The following HOMER2 variants were observed in gnomAD, a reference collection of about 807,000 sequenced individuals.
The protein encoded by HOMER2 is homer protein homolog 2.
Under a neutral mutation model 47.0 loss-of-function variants are expected in HOMER2, and 27 were observed. The ratio of observed to expected loss-of-function variants is 0.57; its 90% CI spans 0.42 to 0.79. The LOEUF (loss-of-function observed/expected upper bound fraction) is 0.79, where lower values mean the gene tolerates loss of function less well. Among genes scored for constraint, HOMER2 ranks in the 30% least tolerant of loss-of-function variants. The pLI is 0.00. For missense variants in HOMER2, 443 were observed against 435.0 expected, an observed-to-expected ratio of 1.02 and a Z score of -0.16; for synonymous variants, 161 against 163.8, an observed-to-expected ratio of 0.98 and a Z score of 0.13.
intron 1 of HOMER2, among the ~76,000 whole-genome samples, chr15:82,976,584 G>C (rs576949260): frequency 6.7e-6 from 1 of 149,276 alleles, no homozygotes; most frequent in Non-Finnish European, 1.5e-5. Flanking sequence ...CAGGCATGAG[G>C]CCACACTATT....
intron 3 of HOMER2, among the ~76,000 whole-genome samples, chr15:82,868,047 AT>A (rs1426526841): frequency 6.6e-6 from 1 of 151,994 alleles, no homozygotes; most frequent in Non-Finnish European, 1.5e-5. Flanking sequence ...TCTTAAAAAA[AT>A]ATATATATAT....
chr15:82,847,661 G>C (rs2051271516), downstream of HOMER2, among the ~76,000 whole-genome samples: 1 of 151,308 alleles, frequency 6.6e-6, no homozygotes, highest in Admixed American at 6.5e-5. Context: ...GCATTCTCTT[G>C]TCAGTCAAGC....
downstream of HOMER2, chr15:82,844,931 A>G (rs1300895551): frequency 6.6e-6 from 1 of 152,174 alleles, no homozygotes; most frequent in Non-Finnish European, 1.5e-5. Flanking sequence ...ACTCGCCAAA[A>G]CATGCACCAC....
At chr15:82,893,070 T>C (rs746712379) in intron 1 of HOMER2, among the ~76,000 whole-genome samples, 13 of 152,116 alleles carry the variant, frequency 8.5e-5, no homozygotes, top group Admixed American at 2.0e-4. Flanking sequence ...TGCAGGGCAA[T>C]TGGTGTAATG....
At chr15:82,939,512 C>CA (rs887890519) in intron 1 of HOMER2, among the ~76,000 whole-genome samples, 6 of 151,930 alleles carry the variant, frequency 3.9e-5, no homozygotes, top group Admixed American at 1.3e-4. Flanking sequence ...ACTAAAAATA[C>CA]AAAAAAAATT....
intron 1 of HOMER2, among the ~76,000 whole-genome samples, chr15:82,971,812 A>G (rs2029998133): frequency 6.6e-6 from 1 of 152,188 alleles, no homozygotes; most frequent in Admixed American, 6.5e-5. Flanking sequence ...GCCACAGCCA[A>G]TAGTAATATT....
At chr15:82,951,227 C>T (rs1887163533) in intron 1 of HOMER2, among the ~76,000 whole-genome samples, 1 of 152,174 alleles carries the variant, frequency 6.6e-6, no homozygotes, top group African/African-American at 2.4e-5. Flanking sequence ...TTCTTCAGCC[C>T]TCGCTGCTCA....
intron 3 of HOMER2, among the ~76,000 whole-genome samples, chr15:82,872,005 G>A (rs1382827749): frequency 6.6e-6 from 1 of 152,116 alleles, no homozygotes; most frequent in Admixed American, 6.5e-5. Flanking sequence ...CCCTGGGAGG[G>A]AACAGGAGCA....
chr15:82,889,507 G>T (rs932071664), intron 2 of HOMER2, among the ~76,000 whole-genome samples: 6 of 152,240 alleles, frequency 3.9e-5, no homozygotes, highest in African/African-American at 1.4e-4. Context: ...GAGCCCATAA[G>T]GAGAAGGCAC....
rs756705638 is a variant in HOMER2 at position 82,969,030 on chromosome 15, G to GT, written n.83-9723dup. Among the ~76,000 whole-genome samples the GT allele has an allele frequency of 3.9e-5, 6 of 152,198 alleles. No homozygotes were observed. In the East Asian group the frequency reaches 5.8e-4, roughly 15 times the overall value. Reference sequence around the variant, plus strand: ...GATCACATCACTTATGTCCTCTCATGTTTTTTCTGATTAGAAAAGGGATTC... The same window carrying GT: ...GATCACATCACTTATGTCCTCTCATGTTTTTTTCTGATTAGAAAAGGGATTC... On this transcript the variant is annotated intron_variant and non_coding_transcript_variant, in intron 1 of 1. Transcript: ENST00000500334.
At chr15:82,879,794 T>C (rs1567030905) in intron 2 of HOMER2, among the ~76,000 whole-genome samples, 2 of 152,332 alleles carry the variant, frequency 1.3e-5, no homozygotes, top group South Asian at 4.1e-4. Flanking sequence ...CACAAAAGAT[T>C]TCTCTGTAGC....
At chr15:82,910,785 T>C (rs1268343809) in intron 1 of HOMER2, among the ~76,000 whole-genome samples, 1 of 152,126 alleles carries the variant, frequency 6.6e-6, no homozygotes, top group Admixed American at 6.5e-5. Flanking sequence ...GGTCACCAGG[T>C]GATTTTTGTT....
chr15:82,877,149 A>G (rs745782967), intron 2 of HOMER2, among the ~76,000 whole-genome samples: 2 of 152,084 alleles, frequency 1.3e-5, no homozygotes, highest in Non-Finnish European at 2.9e-5. Flanking sequence ...AGTAACTGAG[A>G]TTTGGGAAAG....
chr15:82,835,110 A>AATC (rs544865703), downstream of HOMER2: 21 of 147,810 alleles, frequency 1.4e-4, no homozygotes, highest in African/African-American at 4.6e-4. Context: ...ATAGAACAGA[A>AATC]ATCTTCCTAC....
chr15:82,957,627 T>C (rs79424822), upstream of HOMER2, among the ~76,000 whole-genome samples: 1,069 of 152,282 alleles, frequency 7.0e-3, 8 homozygotes, highest in Non-Finnish European at 0.012. Context: ...GAGAAGACTA[T>C]GGGCTGTCTC....
downstream of HOMER2, chr15:82,844,715 A>G (rs1475456323): frequency 1.3e-5 from 2 of 152,176 alleles, no homozygotes; most frequent in East Asian, 3.8e-4. Flanking sequence ...GAAACAAAAA[A>G]CAGTACTCTT....
At chr15:82,950,872 C>A (rs1324531781) in intron 1 of HOMER2, among the ~76,000 whole-genome samples, 1 of 152,174 alleles carries the variant, frequency 6.6e-6, no homozygotes, top group Non-Finnish European at 1.5e-5. Flanking sequence ...ACTATTTGAT[C>A]TCAACCACAG....
chr15:82,899,519 T>G (rs1196623894), intron 1 of HOMER2, among the ~76,000 whole-genome samples: 1 of 152,266 alleles, frequency 6.6e-6, no homozygotes, highest in Admixed American at 6.5e-5. Context: ...GCAAAGAATC[T>G]AACTTACAAG....
chr15:82,873,559 G>A (rs1318873716), intron 3 of HOMER2, among the ~76,000 whole-genome samples: 1 of 152,240 alleles, frequency 6.6e-6, no homozygotes, highest in Non-Finnish European at 1.5e-5. Context: ...CCCAGGAAGT[G>A]AGGGATTGTG....
Sources: gnomAD v4.1 joint callset for allele counts (sites outside exome capture counted in the v4.1 genomes callset) on GRCh38, gnomAD v4.1.1 for gene constraint, MANE v1.5 for transcripts, NCBI Gene and HGNC (gene_info 2026-07-23, HGNC 2026-07-21) for gene names.